Variants in CLASP2 observed in about 807,000 individuals in gnomAD.
CLASP2 encodes cytoplasmic linker associated protein 2.
CLASP2 carries 47 observed loss-of-function variants against 194.4 expected under a neutral mutation model. That is an observed-to-expected ratio of 0.24 (90% CI 0.19 to 0.31). The LOEUF (loss-of-function observed/expected upper bound fraction) is 0.31. Among genes scored for constraint, CLASP2 ranks in the 10% least tolerant of loss-of-function variants. The pLI is 1.00. For synonymous variants in CLASP2, 619 were observed against 633.5 expected (o/e 0.98, Z 0.34); for missense variants, 1,445 against 1,823.6 (o/e 0.79, Z 3.78).
intron 37 of CLASP2, among the ~76,000 whole-genome samples, chr3:33,507,622 C>T (rs369523695): frequency 5.3e-5 from 8 of 152,242 alleles, no homozygotes; most frequent in African/African-American, 1.9e-4. Context: ...GCTGGGACTA[C>T]AGGCACATGC....
At chr3:33,677,471 G>GTA (rs2088934336) in intron 6 of CLASP2, among the ~76,000 whole-genome samples, 1 of 148,648 alleles carries the variant, frequency 6.7e-6, no homozygotes, top group Non-Finnish European at 1.5e-5. Context: ...ACCAAACACC[G>GTA]CGTATTCTCA....
Position 33,510,680 on chromosome 3 carries a change from T to C in CLASP2, c.4195A>G (p.Ile1399Val). ...TTAATTGGGTAGTCTGCAGTTTGAA[T>C]GATAGGACAAAGCACTTTGATGCAC... ...EQCIKVLCPIIQTADYPINLA... is the reference protein window; with the variant it reads ...EQCIKVLCPIVQTADYPINLA... The change falls in exon 37 of 39, where the codon ATT becomes GTT. Residue 1399 changes from isoleucine to valine, a missense_variant. Physicochemically the swap from Ile to Val is conservative, Grantham distance 29. Coordinates refer to ENST00000682230, the MANE Select transcript of CLASP2 (RefSeq NM_001365631.1). 6.2e-7 allele frequency: 1 copy of C among 1,613,800 alleles called. No individual in the cohort carries two copies. The highest frequency in any genetic ancestry group is 1.1e-5 in the South Asian group (1 of 91,054).
At chr3:33,561,247 T>A (rs2061746615) in intron 27 of CLASP2, among the ~76,000 whole-genome samples, 1 of 152,212 alleles carries the variant, frequency 6.6e-6, no homozygotes, top group Admixed American at 6.5e-5. Flanking sequence ...ACACCTAATG[T>A]TATCAATGAT....
intron 25 of CLASP2, among the ~76,000 whole-genome samples, chr3:33,572,620 C>G: frequency 6.6e-6 from 1 of 152,000 alleles, no homozygotes; most frequent in East Asian, 1.9e-4. Context: ...ACCCCAAACC[C>G]AAAATATTAA....
intron 34 of CLASP2, among the ~76,000 whole-genome samples, chr3:33,529,038 C>T (rs547028023): frequency 7.0e-4 from 106 of 152,166 alleles, no homozygotes; most frequent in Admixed American, 1.4e-3. Context: ...AACAGCCAAA[C>T]CAAGAGTCAA....
intron 1 of CLASP2, among the ~76,000 whole-genome samples, chr3:33,709,906 AG>A (rs1159001339): frequency 6.6e-6 from 1 of 152,222 alleles, no homozygotes; most frequent in East Asian, 1.9e-4. Flanking sequence ...TGTGACATCA[AG>A]GAATTATTGT....
At chr3:33,667,905 T>C (rs968959100) in intron 6 of CLASP2, among the ~76,000 whole-genome samples, 9 of 152,136 alleles carry the variant, frequency 5.9e-5, no homozygotes, top group East Asian at 1.9e-4. Flanking sequence ...TAGAAAAAAA[T>C]TGTTTAATTA....
At chr3:33,498,829 G>C in intron 38 of CLASP2, 112 bp from the exon 39 acceptor site, 1 of 506,920 alleles carries the variant, frequency 2.0e-6, no homozygotes, top group Non-Finnish European at 3.4e-6. Flanking sequence ...ATTTTAGGCT[G>C]GGGGTTATTA....
chr3:33,497,743 A>G lies in CLASP2; in HGVS notation c.*888T>C, dbSNP rs1559727358. The G allele has an allele frequency of 3.9e-5, 6 of 152,564 alleles. No homozygotes were observed. The East Asian group carries it at 1.2e-3, about 29-fold the overall frequency. 9.5% of individuals were successfully genotyped at this position (152,564 alleles called of 1,614,324 possible). The stretch of plus-strand genomic sequence containing the variant: ...AGAAACAGAAGACGGTCAAGGACAC[A>G]CACGCACTTGATTTTTTTTGTCCGT... On this transcript the variant is annotated 3_prime_UTR_variant, in exon 39 of 39. Coordinates refer to ENST00000682230, the MANE Select transcript of CLASP2 (RefSeq NM_001365631.1).
At chr3:33,634,341 AG>A (rs927344755) in intron 8 of CLASP2, among the ~76,000 whole-genome samples, 1 of 152,230 alleles carries the variant, frequency 6.6e-6, no homozygotes, top group African/African-American at 2.4e-5. Context: ...TGATGGTATC[AG>A]GGAGTGGCAA....
chr3:33,715,899 C>A (rs1435142925), intron 1 of CLASP2, among the ~76,000 whole-genome samples: 1 of 130,950 alleles, frequency 7.6e-6, no homozygotes. Context: ...GGTAACTTAG[C>A]TTATAAAACT....
intron 8 of CLASP2, among the ~76,000 whole-genome samples, chr3:33,634,133 A>C (rs1257020941): frequency 6.6e-6 from 1 of 152,222 alleles, no homozygotes; most frequent in African/African-American, 2.4e-5. Flanking sequence ...AACAATTTGA[A>C]CAACAGATTT....
At chr3:33,604,236 T>C (rs2073134696) in intron 16 of CLASP2, 27 bp from the exon 17 acceptor site, 3 of 1,500,892 alleles carry the variant, frequency 2.0e-6, no homozygotes, top group African/African-American at 2.8e-5. Context: ...ATGCTTTTAG[T>C]AAGAAGACAA....
chr3:33,621,020 T>C (rs2154278753), intron 11 of CLASP2, among the ~76,000 whole-genome samples: 1 of 151,308 alleles, frequency 6.6e-6, no homozygotes, highest in Admixed American at 6.6e-5. Context: ...TGTGTGTGTG[T>C]GTGTGTGTGT....
chr3:33,701,177 G>A (rs2092347083), intron 1 of CLASP2, among the ~76,000 whole-genome samples: 1 of 152,210 alleles, frequency 6.6e-6, no homozygotes, highest in African/African-American at 2.4e-5. Context: ...AGTAGAATTT[G>A]ATGCAGAAAT....
chr3:33,553,381 C>T (rs1024083738), intron 29 of CLASP2, among the ~76,000 whole-genome samples: 1 of 152,004 alleles, frequency 6.6e-6, no homozygotes, highest in Non-Finnish European at 1.5e-5. Flanking sequence ...TTCTGCATAG[C>T]AAAGGAAACA....
At chr3:33,712,684 CG>C (rs2154358403) in intron 1 of CLASP2, among the ~76,000 whole-genome samples, 1 of 152,140 alleles carries the variant, frequency 6.6e-6, no homozygotes, top group Non-Finnish European at 1.5e-5. Context: ...AGGGTCAAGC[CG>C]GGCACGGTGG....
chr3:33,625,932 A>G (rs1478510702), intron 10 of CLASP2, among the ~76,000 whole-genome samples: 2 of 152,116 alleles, frequency 1.3e-5, no homozygotes, highest in East Asian at 3.8e-4. Context: ...GTTGTTTCCA[A>G]ATGGGTAGTT....
rs1246812011 is a variant in CLASP2 at position 33,696,905 on chromosome 3, C to T, written c.224G>A (p.Ser75Asn). 1 of 1,595,042 alleles carries T rather than the reference C, an allele frequency of 6.3e-7. No individual in the cohort carries two copies. The highest frequency in any genetic ancestry group is 8.6e-7 in the Non-Finnish European group (1 of 1,168,846). ...TGTTGATAATCTGTCCACAAAGGCA[C>T]TTAAAATTTCCAATCCCATTAATGA... ...RVSLMGLEIL[S>N]AFVDRLSTRF... is the part of the protein sequence containing the mutation. The change falls in exon 2 of 39, where the codon AGT becomes AAT. Residue 75 changes from serine (S) to asparagine (N), a missense_variant. By Grantham distance (46) the Ser-to-Asn change is conservative. Coordinates refer to ENST00000682230, the MANE Select transcript of CLASP2 (RefSeq NM_001365631.1).
Sources: gnomAD v4.1 joint callset for allele counts (sites outside exome capture counted in the v4.1 genomes callset) on GRCh38, gnomAD v4.1.1 for gene constraint, MANE v1.5 for transcripts, NCBI Gene and HGNC (gene_info 2026-07-23, HGNC 2026-07-21) for gene names.